The following PPARGC1A variants were observed in gnomAD, a reference collection of about 807,000 sequenced individuals.
PPARGC1A encodes peroxisome proliferator-activated receptor gamma coactivator 1-alpha.
In PPARGC1A, 25 loss-of-function variants were observed where a neutral mutation model predicts 88.7. The ratio of observed to expected loss-of-function variants is 0.28; its 90% confidence interval spans 0.21 to 0.39. PPARGC1A has a LOEUF of 0.39. Among genes scored for constraint, PPARGC1A ranks in the 10% least tolerant of loss-of-function variants. The pLI is 1.00. For synonymous variants in PPARGC1A, 363 were observed against 355.6 expected, an observed-to-expected ratio of 1.02 and a Z score of -0.24; for missense variants, 880 against 968.7, an observed-to-expected ratio of 0.91 and a Z score of 1.22.
At chr4:24,265,144 AG>A in the PPARGC1A span, among the ~76,000 whole-genome samples, 1 of 152,230 alleles carries the variant, frequency 6.6e-6, no homozygotes, top group Non-Finnish European at 1.5e-5. Flanking sequence ...GTTTGTTAAA[AG>A]AACAAATAAA....
chr4:24,222,497 G>T, the PPARGC1A span, among the ~76,000 whole-genome samples: 1 of 152,174 alleles, frequency 6.6e-6, no homozygotes, highest in African/African-American at 2.4e-5. Context: ...CCAGCAAATG[G>T]CCAATGCCAC....
the PPARGC1A span, among the ~76,000 whole-genome samples, chr4:24,155,350 C>T: frequency 6.6e-6 from 1 of 151,782 alleles, no homozygotes; most frequent in Non-Finnish European, 1.5e-5. Context: ...GGGCTGGGCA[C>T]AGTGACTTGT....
At chr4:24,288,211 C>G in the PPARGC1A span, among the ~76,000 whole-genome samples, 1 of 152,312 alleles carries the variant, frequency 6.6e-6, no homozygotes, top group South Asian at 2.1e-4. Flanking sequence ...TTTTTCAGAT[C>G]CTTCAGCAGC....
the PPARGC1A span, among the ~76,000 whole-genome samples, chr4:24,033,352 CTG>C: frequency 7.2e-5 from 11 of 151,996 alleles, no homozygotes; most frequent in Non-Finnish European, 1.6e-4. Flanking sequence ...TTAGCACTTA[CTG>C]TTTTTATAAT....
At chr4:23,946,461 G>A in the PPARGC1A span, among the ~76,000 whole-genome samples, 11 of 152,046 alleles carry the variant, frequency 7.2e-5, no homozygotes, top group Non-Finnish European at 1.5e-4. Flanking sequence ...AGTGGCTTCC[G>A]CTTGAAGAAT....
At chr4:24,322,316 G>A in the PPARGC1A span, among the ~76,000 whole-genome samples, 4 of 152,206 alleles carry the variant, frequency 2.6e-5, no homozygotes, top group Non-Finnish European at 5.9e-5. Context: ...AAAGCACTGG[G>A]TGAGAAATGC....
the PPARGC1A span, among the ~76,000 whole-genome samples, chr4:24,155,690 C>T: frequency 6.6e-6 from 1 of 151,950 alleles, no homozygotes; most frequent in Non-Finnish European, 1.5e-5. Context: ...ACAAAAAACA[C>T]ACAAACACTG....
chr4:24,139,314 T>C, the PPARGC1A span, among the ~76,000 whole-genome samples: 9 of 152,128 alleles, frequency 5.9e-5, no homozygotes, highest in Admixed American at 4.6e-4. Flanking sequence ...TTAGTGTTTT[T>C]AGTAGAGACG....
the PPARGC1A span, among the ~76,000 whole-genome samples, chr4:23,931,741 G>T: frequency 6.6e-6 from 1 of 152,162 alleles, no homozygotes; most frequent in Non-Finnish European, 1.5e-5. Flanking sequence ...CTGCCATGGG[G>T]ATAAAAAGAG....
the PPARGC1A span, among the ~76,000 whole-genome samples, chr4:23,970,742 C>A: frequency 4.6e-5 from 7 of 152,322 alleles, no homozygotes; most frequent in South Asian, 1.0e-3. Flanking sequence ...AACTCACACC[C>A]TTTCTTCCTA....
At chr4:23,913,209 C>T in the PPARGC1A span, among the ~76,000 whole-genome samples, 1 of 141,432 alleles carries the variant, frequency 7.1e-6, no homozygotes, top group Admixed American at 7.2e-5. Flanking sequence ...TATAGAATCT[C>T]TCAATTGGTA....
the PPARGC1A span, among the ~76,000 whole-genome samples, chr4:24,366,234 T>C: frequency 1.4e-5 from 2 of 145,484 alleles, no homozygotes; most frequent in African/African-American, 4.9e-5. Flanking sequence ...TCACAAATTT[T>C]ATTCCGTTTC....
the PPARGC1A span, among the ~76,000 whole-genome samples, chr4:23,920,132 G>T: frequency 3.3e-5 from 5 of 152,198 alleles, no homozygotes; most frequent in Non-Finnish European, 7.3e-5. Flanking sequence ...TATGCATAAA[G>T]AAATCCCATC....
At chr4:24,122,151 C>A in the PPARGC1A span, among the ~76,000 whole-genome samples, 13 of 152,218 alleles carry the variant, frequency 8.5e-5, no homozygotes, top group Non-Finnish European at 1.3e-4. Context: ...CACAACTTGG[C>A]TGGCGAGCTG....
At chr4:23,999,574 G>A in the PPARGC1A span, among the ~76,000 whole-genome samples, 4 of 152,156 alleles carry the variant, frequency 2.6e-5, no homozygotes, top group Non-Finnish European at 5.9e-5. Context: ...GGAGAGAAGC[G>A]AAGCCAAAAG....
chr4:24,357,071 T>C, the PPARGC1A span, among the ~76,000 whole-genome samples: 1 of 152,236 alleles, frequency 6.6e-6, no homozygotes, highest in Non-Finnish European at 1.5e-5. Context: ...TATGGGACTA[T>C]GCTGAGACAG....
intron 1 of PPARGC1A, chr4:23,888,870 C>T (rs952288321): frequency 2.2e-6 from 2 of 923,950 alleles, no homozygotes; most frequent in Non-Finnish European, 1.3e-6. Flanking sequence ...AGGAAACACT[C>T]GCAGTCTTTT....
At chr4:23,870,361 G>C (rs1241013679) in intron 2 of PPARGC1A, among the ~76,000 whole-genome samples, 1 of 152,192 alleles carries the variant, frequency 6.6e-6, no homozygotes, top group Non-Finnish European at 1.5e-5. Flanking sequence ...CAAAATGACT[G>C]TATGGACCTA....
the PPARGC1A span, among the ~76,000 whole-genome samples, chr4:24,028,823 A>C: frequency 6.6e-6 from 1 of 152,056 alleles, no homozygotes; most frequent in Non-Finnish European, 1.5e-5. Context: ...TATGAAATTG[A>C]CATCTGAGAA....
Sources: allele counts gnomAD v4.1 joint callset (sites outside exome capture counted in the v4.1 genomes callset), GRCh38; gene constraint gnomAD v4.1.1; transcripts MANE v1.5; gene names NCBI Gene and HGNC (gene_info 2026-07-23, HGNC 2026-07-21).